SLC39A11: variants seen among roughly 807,000 people sequenced by gnomAD.
The protein encoded by SLC39A11 is zinc transporter ZIP11.
In SLC39A11, 33 loss-of-function variants were observed where a neutral mutation model predicts 36.1. The ratio of observed to expected loss-of-function variants is 0.91; its 90% CI spans 0.69 to 1.22. The LOEUF (loss-of-function observed/expected upper bound fraction) is 1.22. Ranked by LOEUF, SLC39A11 falls within the 50% of genes most tolerant of loss-of-function variation. SLC39A11 has a pLI of 0.00. For synonymous variants in SLC39A11, 166 were observed against 170.3 expected (o/e 0.97, Z 0.20); for missense variants, 432 against 430.3 (o/e 1.00, Z -0.03).
At chr17:72,928,258 T>C (rs2084174130) in intron 5 of SLC39A11, among the ~76,000 whole-genome samples, 1 of 152,208 alleles carries the variant, frequency 6.6e-6, no homozygotes, top group African/African-American at 2.4e-5. Flanking sequence ...CTAATTGGAT[T>C]CAGCCAAGGA....
At chr17:72,729,405 T>TTATATACATA (rs2074066767) in intron 7 of SLC39A11, among the ~76,000 whole-genome samples, 1 of 29,222 alleles carries the variant, frequency 3.4e-5, no homozygotes, top group Non-Finnish European at 7.2e-5. Context: ...ACCTGGCTAT[T>TTATATACATA]TATATATATA....
At chr17:72,694,451 G>A (rs2072190827) in intron 7 of SLC39A11, among the ~76,000 whole-genome samples, 1 of 152,194 alleles carries the variant, frequency 6.6e-6, no homozygotes, top group Non-Finnish European at 1.5e-5. Flanking sequence ...TGTCTCCTTG[G>A]TCTCAGACAT....
intron 6 of SLC39A11, among the ~76,000 whole-genome samples, chr17:72,830,074 A>G (rs541447425): frequency 6.6e-6 from 1 of 152,336 alleles, no homozygotes; most frequent in Non-Finnish European, 1.5e-5. Flanking sequence ...AGAAGGTATG[A>G]GGCCATGAGG....
intron 7 of SLC39A11, among the ~76,000 whole-genome samples, chr17:72,716,143 G>A (rs2073352413): frequency 6.6e-6 from 1 of 151,980 alleles, no homozygotes. Flanking sequence ...TTCCCAACCT[G>A]CAGGCATGAG....
At chr17:72,775,545 T>A (rs538324625) in intron 6 of SLC39A11, among the ~76,000 whole-genome samples, 1 of 152,072 alleles carries the variant, frequency 6.6e-6, no homozygotes, top group Non-Finnish European at 1.5e-5. Context: ...AAGATCTACA[T>A]GCTCTCCTAA....
At chr17:73,032,074 G>A (rs2058754937) in intron 3 of SLC39A11, among the ~76,000 whole-genome samples, 1 of 152,238 alleles carries the variant, frequency 6.6e-6, no homozygotes, top group Non-Finnish European at 1.5e-5. Context: ...GAGCGTAGGG[G>A]GAGGTTGCTA....
chr17:72,754,689 C>T (rs1156719927), intron 6 of SLC39A11, among the ~76,000 whole-genome samples: 1 of 152,194 alleles, frequency 6.6e-6, no homozygotes, highest in Non-Finnish European at 1.5e-5. Flanking sequence ...GTGACACATG[C>T]CAGGAGCAAG....
chr17:72,882,332 G>C (rs2081234087), intron 5 of SLC39A11, among the ~76,000 whole-genome samples: 1 of 137,286 alleles, frequency 7.3e-6, no homozygotes, highest in Admixed American at 8.0e-5. Context: ...CTCCAGCCTA[G>C]ATATCAGAAT....
intron 6 of SLC39A11, among the ~76,000 whole-genome samples, chr17:72,810,683 T>C (rs2077406816): frequency 6.6e-6 from 1 of 152,024 alleles, no homozygotes; most frequent in Admixed American, 6.6e-5. Context: ...TATACATATG[T>C]AAAAATTCTT....
At chr17:73,046,798 G>A (rs375704840) in intron 3 of SLC39A11, among the ~76,000 whole-genome samples, 7 of 151,990 alleles carry the variant, frequency 4.6e-5, no homozygotes, top group African/African-American at 7.2e-5. Context: ...AAAGTTAGCC[G>A]GGCGTGGTGG....
chr17:72,736,652 G>A lies in SLC39A11; in HGVS notation c.669C>T (p.Ala223=), dbSNP rs751542929. ...AGGGTCCCAGGATGCTGGCTTACCTGGCACTCTCAAAGGTAGCAGATGCCG... is the reference window on the plus strand; with the variant it reads ...AGGGTCCCAGGATGCTGGCTTACCTAGCACTCTCAAAGGTAGCAGATGCCG... ...EKTASATFES[A]RNLAIGIGIQ... is the part of the protein sequence containing the mutation. Residue 223 remains alanine, a splice_region_variant and synonymous_variant, in exon 7 of 10, where the codon GCC becomes GCT. Coordinates refer to ENST00000255559, the MANE Select transcript of SLC39A11 (RefSeq NM_139177.4). The A allele has an allele frequency of 6.2e-7, 1 of 1,613,764 alleles. No homozygotes were observed. The highest frequency in any genetic ancestry group is 1.1e-5 in the South Asian group (1 of 91,062).
At chr17:73,070,278 C>A (rs1004953077) in intron 3 of SLC39A11, among the ~76,000 whole-genome samples, 1 of 152,172 alleles carries the variant, frequency 6.6e-6, no homozygotes, top group East Asian at 1.9e-4. Context: ...GCCCCCAACC[C>A]AGGCTGGTAA....
chr17:73,070,902 G>A (rs988446567), intron 3 of SLC39A11, among the ~76,000 whole-genome samples: 1 of 152,090 alleles, frequency 6.6e-6, no homozygotes, highest in South Asian at 2.1e-4. Flanking sequence ...CATCTCTTTT[G>A]TAAATTGCCC....
At chr17:72,916,246 A>T (rs2083325325) in intron 5 of SLC39A11, among the ~76,000 whole-genome samples, 1 of 149,472 alleles carries the variant, frequency 6.7e-6, no homozygotes. Flanking sequence ...GTACACACAA[A>T]CACACAAACT....
intron 1 of SLC39A11, among the ~76,000 whole-genome samples, chr17:73,091,157 G>A (rs2060910550): frequency 1.3e-5 from 2 of 152,192 alleles, no homozygotes. Context: ...GCCAGGCGCA[G>A]TGGCTCATGC....
chr17:73,076,645 G>C lies in SLC39A11; in HGVS notation c.147+8163C>G, dbSNP rs117151316. ...AAAGCATCTCAGAACTGGGCTGAGG[G>C]AGCAAAGCCTTTACGATACCACACA... On this transcript the variant is annotated intron_variant, in intron 3 of 9. Transcript: ENST00000255559. Among the ~76,000 whole-genome samples, 67 of 152,258 alleles carry C rather than the reference G, an allele frequency of 4.4e-4. No individual in the cohort carries two copies. In the East Asian group the frequency reaches 0.013, roughly 28 times the overall value.
intron 3 of SLC39A11, among the ~76,000 whole-genome samples, chr17:73,037,005 T>C (rs1292892599): frequency 2.4e-4 from 3 of 12,342 alleles, no homozygotes; most frequent in Non-Finnish European, 0.012. Context: ...GATTGGCTTC[T>C]TTCACTTGGT....
In SLC39A11 at chr17:72,795,966, T is replaced by TG. The variant is rs571287622; in HGVS notation, c.601+53667dup. On this transcript the variant is annotated intron_variant, in intron 6 of 9. Transcript: ENST00000255559. Reference sequence around the variant, plus strand: ...TAACAAATGAAAGAGGGAAGAATACTGGGGGGAGAAGAAATAGTATATAGA... The same window carrying TG: ...TAACAAATGAAAGAGGGAAGAATACTGGGGGGGAGAAGAAATAGTATATAGA... Among the ~76,000 whole-genome samples, 17 of 152,150 alleles carry TG rather than the reference T, an allele frequency of 1.1e-4. No homozygotes were observed. The East Asian group carries it at 2.7e-3, about 24-fold the overall frequency.
chr17:72,706,704 A>C (rs2072907828), intron 7 of SLC39A11, among the ~76,000 whole-genome samples: 1 of 152,216 alleles, frequency 6.6e-6, no homozygotes. Context: ...TTCTGTTTAC[A>C]ATGTAAGTCT....
Sources: gnomAD v4.1 joint callset for allele counts (sites outside exome capture counted in the v4.1 genomes callset) on GRCh38, gnomAD v4.1.1 for gene constraint, MANE v1.5 for transcripts, NCBI Gene and HGNC (gene_info 2026-07-23, HGNC 2026-07-21) for gene names.